BRINP3: variants seen among roughly 807,000 people sequenced by gnomAD.
The protein encoded by BRINP3 is BMP/retinoic acid inducible neural specific 3.
BRINP3 carries 19 observed loss-of-function variants against 71.0 expected under a neutral mutation model. The observed-to-expected ratio is 0.27, with a 90% CI of 0.19 to 0.39. BRINP3 has a LOEUF of 0.39. Ranked by LOEUF, BRINP3 falls within the 10% of genes least tolerant of loss-of-function variation. The probability of loss-of-function intolerance (pLI) is 1.00; values close to 1 mark genes in which losing one functional copy is unlikely to be tolerated. For missense variants in BRINP3, 959 were observed against 940.8 expected (o/e 1.02, Z -0.25); for synonymous variants, 380 against 337.7 (o/e 1.13, Z -1.37).
chr1:190,468,683 G>A (rs1257922172), intron 1 of BRINP3, among the ~76,000 whole-genome samples: 1 of 151,050 alleles, frequency 6.6e-6, no homozygotes, highest in African/African-American at 2.4e-5. Flanking sequence ...TGATATAAAA[G>A]TTCTCAAACA....
At chr1:190,413,874 T>C (rs1476925658) in intron 2 of BRINP3, among the ~76,000 whole-genome samples, 1 of 152,214 alleles carries the variant, frequency 6.6e-6, no homozygotes, top group Non-Finnish European at 1.5e-5. Flanking sequence ...ATAATTTATG[T>C]TCAAAAATAC....
intron 2 of BRINP3, among the ~76,000 whole-genome samples, chr1:190,313,841 G>A (rs1665698545): frequency 6.6e-6 from 1 of 151,992 alleles, no homozygotes. Context: ...CATTGCTTCA[G>A]CTTTGTCCTC....
chr1:190,384,824 G>A (rs905083106), intron 2 of BRINP3, among the ~76,000 whole-genome samples: 1 of 151,904 alleles, frequency 6.6e-6, no homozygotes, highest in East Asian at 1.9e-4. Context: ...TATTGTAATA[G>A]ATTATTTTCT....
intron 6 of BRINP3, among the ~76,000 whole-genome samples, chr1:190,201,098 G>A (rs1229212225): frequency 6.6e-6 from 1 of 152,134 alleles, no homozygotes; most frequent in Non-Finnish European, 1.5e-5. Flanking sequence ...AAAAATGTGG[G>A]AAAGTTTGGA....
chr1:190,318,449 T>A (rs1364599774), intron 2 of BRINP3, among the ~76,000 whole-genome samples: 1 of 152,110 alleles, frequency 6.6e-6, no homozygotes, highest in Non-Finnish European at 1.5e-5. Context: ...CTTTATCCCA[T>A]CTAGTTCTTG....
chr1:190,375,771 A>G, intron 2 of BRINP3, among the ~76,000 whole-genome samples: 1 of 152,016 alleles, frequency 6.6e-6, no homozygotes, highest in African/African-American at 2.4e-5. Context: ...ATAATGACAG[A>G]ATAATTTCAA....
intron 4 of BRINP3, among the ~76,000 whole-genome samples, chr1:190,236,615 A>T (rs1658544110): frequency 6.6e-6 from 1 of 151,880 alleles, no homozygotes; most frequent in African/African-American, 2.4e-5. Flanking sequence ...TTTCCTTAAC[A>T]CCCCAACAAC....
chr1:190,101,562 T>C (rs1178474147), intron 7 of BRINP3, among the ~76,000 whole-genome samples: 5 of 152,184 alleles, frequency 3.3e-5, no homozygotes, highest in Non-Finnish European at 7.4e-5. Flanking sequence ...CCTTTTTCTT[T>C]CTTCCTTTTT....
intron 7 of BRINP3, among the ~76,000 whole-genome samples, chr1:190,136,075 A>T (rs1654950128): frequency 6.6e-6 from 1 of 152,060 alleles, no homozygotes; most frequent in Non-Finnish European, 1.5e-5. Context: ...ACCCCATAAC[A>T]AGAGGCACAT....
chr1:190,132,728 C>T (rs759173662), intron 7 of BRINP3, among the ~76,000 whole-genome samples: 6 of 152,044 alleles, frequency 3.9e-5, no homozygotes, highest in Non-Finnish European at 1.5e-5. Flanking sequence ...AAATTCCTTC[C>T]ATCAAGAAGT....
intron 2 of BRINP3, among the ~76,000 whole-genome samples, chr1:190,431,778 G>GT (rs1320032000): frequency 1.3e-5 from 2 of 152,000 alleles, no homozygotes; most frequent in Non-Finnish European, 2.9e-5. Flanking sequence ...GTAAACCACA[G>GT]TTTTTTTAAA....
At position 190,444,231 on chromosome 1, in the gene BRINP3, C is replaced by T. The variant is rs530156689; in HGVS notation, c.236+10424G>A. Among the ~76,000 whole-genome samples, 4 of 70,720 alleles carry T rather than the reference C, an allele frequency of 5.7e-5. No homozygotes were observed. The East Asian group carries it at 1.9e-3, about 33-fold the overall frequency. 46.4% of individuals were successfully genotyped at this position (70,720 alleles called of 152,430 possible). ...TCCTGCCGGGGCAACAAGAGCAAAA[C>T]TCCGTCTCAAAAAAAAAAAAAAAAA... On this transcript the variant is annotated intron_variant, in intron 2 of 7. Coordinates refer to ENST00000367462, the MANE Select transcript of BRINP3 (RefSeq NM_199051.3).
chr1:190,332,808 A>C (rs1447106827), intron 2 of BRINP3, among the ~76,000 whole-genome samples: 3 of 151,984 alleles, frequency 2.0e-5, no homozygotes, highest in African/African-American at 7.2e-5. Flanking sequence ...ACATAAGAGA[A>C]AGACAATAAA....
chr1:190,152,908 T>C (rs1024670009), intron 7 of BRINP3, among the ~76,000 whole-genome samples: 9 of 152,132 alleles, frequency 5.9e-5, no homozygotes, highest in African/African-American at 2.2e-4. Flanking sequence ...TTTAAAAAAC[T>C]AATTTCAACT....
intron 4 of BRINP3, among the ~76,000 whole-genome samples, chr1:190,256,907 G>A (rs1195853869): frequency 6.6e-6 from 1 of 152,040 alleles, no homozygotes; most frequent in Non-Finnish European, 1.5e-5. Context: ...TTTCTCTCTG[G>A]CTGCCCTTAT....
chr1:190,327,448 A>C lies in BRINP3; in HGVS notation c.237-45698T>G, dbSNP rs1196474089. ...CACATAATAACAACCATAGGCTCAA[A>C]GGAAAAAGTTGGAGAGAGATCAAGG... On this transcript the variant is annotated intron_variant, in intron 2 of 7. Transcript: ENST00000367462. 2.0e-5 allele frequency among the ~76,000 whole-genome samples: 3 copies of C among 147,430 alleles called. No homozygotes were observed. The Admixed American group carries it at 2.0e-4, about 10-fold the overall frequency.
intron 2 of BRINP3, among the ~76,000 whole-genome samples, chr1:190,303,894 T>C (rs910212715): frequency 6.6e-6 from 1 of 151,806 alleles, no homozygotes; most frequent in Non-Finnish European, 1.5e-5. Flanking sequence ...CAACTGATGG[T>C]TTAATAAAAA....
At chr1:190,428,204 T>C (rs1020217261) in intron 2 of BRINP3, among the ~76,000 whole-genome samples, 2 of 151,720 alleles carry the variant, frequency 1.3e-5, no homozygotes, top group Non-Finnish European at 2.9e-5. Flanking sequence ...TTTTCCTGAA[T>C]AAAAAAACAA....
intron 7 of BRINP3, among the ~76,000 whole-genome samples, chr1:190,136,357 T>G (rs1557998310): frequency 6.6e-6 from 1 of 152,138 alleles, no homozygotes; most frequent in African/African-American, 2.4e-5. Flanking sequence ...TTGCTGGGGA[T>G]CTTTGTTTAA....
Sources: allele counts gnomAD v4.1 joint callset (sites outside exome capture counted in the v4.1 genomes callset), GRCh38; gene constraint gnomAD v4.1.1; transcripts MANE v1.5; gene names NCBI Gene and HGNC (gene_info 2026-07-23, HGNC 2026-07-21).